CACNA2D1: variants seen among roughly 807,000 people sequenced by gnomAD.
CACNA2D1 encodes the protein calcium voltage-gated channel auxiliary subunit alpha2delta 1.
In CACNA2D1, 53 loss-of-function variants were observed where a neutral mutation model predicts 171.5. The observed-to-expected ratio is 0.31, with a 90% CI of 0.25 to 0.39. CACNA2D1 has a LOEUF of 0.39. Among genes scored for constraint, CACNA2D1 ranks in the 10% least tolerant of loss-of-function variants. CACNA2D1 has a pLI of 1.00. For synonymous variants in CACNA2D1, 442 were observed against 443.1 expected (o/e 1.00, Z 0.03); for missense variants, 903 against 1,299.8 (o/e 0.69, Z 4.69).
intron 1 of CACNA2D1, among the ~76,000 whole-genome samples, chr7:82,384,910 T>G (rs1292881874): frequency 2.0e-5 from 3 of 152,220 alleles, no homozygotes; most frequent in Non-Finnish European, 4.4e-5. Flanking sequence ...TGGGGCATGA[T>G]GTAAGAATCA....
At position 81,950,462 on chromosome 7, in the gene CACNA2D1, A is replaced by G. The variant is rs1424917702; in HGVS notation, c.3206T>C (p.Leu1069Pro). The G allele has an allele frequency of 6.2e-7, 1 of 1,613,288 alleles. No individual in the cohort carries two copies. Among genetic ancestry groups the G allele is most frequent in the Admixed American group, 1.7e-5 (1 of 59,840 alleles). ...CGGVSGLNPSLWYIIGIQFLL... is the reference protein window; with the variant it reads ...CGGVSGLNPSPWYIIGIQFLL... ...AAACTGGATTCCAATGATATACCAC[A>G]GGGAGGGATTTAATCCAGAAACACC... The change falls in exon 39 of 39, where the codon CTG (leucine) becomes CCG (proline). Residue 1069 changes from leucine (L) to proline (P), a missense_variant. Around this residue, in one of 5 missense-constraint regions of CACNA2D1, gnomAD observed 38 missense variants for 29.2 expected, o/e 1.30. Transcript: ENST00000356860.
At chr7:82,278,615 T>C (rs891300546) in intron 3 of CACNA2D1, among the ~76,000 whole-genome samples, 4 of 145,798 alleles carry the variant, frequency 2.7e-5, no homozygotes, top group East Asian at 2.0e-4. Flanking sequence ...AAACTTCCAA[T>C]CTTGAGTGGA....
At chr7:82,333,471 A>C (rs1817629715) in intron 3 of CACNA2D1, among the ~76,000 whole-genome samples, 3 of 132,730 alleles carry the variant, frequency 2.3e-5, no homozygotes, top group African/African-American at 9.3e-5. Flanking sequence ...GGAGGAGCAA[A>C]GTCACATTTT....
At chr7:82,080,057 G>GCA (rs1809537082) in intron 7 of CACNA2D1, among the ~76,000 whole-genome samples, 1 of 148,704 alleles carries the variant, frequency 6.7e-6, no homozygotes, top group Non-Finnish European at 1.5e-5. Flanking sequence ...ATATATGTGT[G>GCA]TATATATATA....
chr7:82,262,568 G>T (rs1172750423), intron 3 of CACNA2D1, among the ~76,000 whole-genome samples: 1 of 152,026 alleles, frequency 6.6e-6, no homozygotes, highest in Non-Finnish European at 1.5e-5. Context: ...AAAAATACAT[G>T]AGATTGACCC....
At chr7:82,097,029 G>T (rs1364417102) in intron 6 of CACNA2D1, among the ~76,000 whole-genome samples, 1 of 152,098 alleles carries the variant, frequency 6.6e-6, no homozygotes, top group Non-Finnish European at 1.5e-5. Context: ...CAGGGTAGAA[G>T]TAGTGGTCAC....
intron 28 of CACNA2D1, among the ~76,000 whole-genome samples, chr7:81,969,302 T>C (rs777465072): frequency 6.6e-6 from 1 of 151,392 alleles, no homozygotes; most frequent in Admixed American, 6.6e-5. Context: ...AGTGGAAAGA[T>C]TGATCCTGGA....
intron 3 of CACNA2D1, among the ~76,000 whole-genome samples, chr7:82,288,143 A>G (rs777048786): frequency 3.3e-5 from 5 of 151,902 alleles, no homozygotes; most frequent in African/African-American, 4.8e-5. Context: ...CCCGGCCCCA[A>G]GTTTTTTATA....
intron 1 of CACNA2D1, among the ~76,000 whole-genome samples, chr7:82,367,967 GA>G (rs963085099): frequency 1.1e-4 from 16 of 147,960 alleles, no homozygotes; most frequent in Admixed American, 3.4e-4. Flanking sequence ...TATGGAGTCA[GA>G]AAAAAAAAAT....
intron 24 of CACNA2D1, among the ~76,000 whole-genome samples, chr7:81,978,774 C>G (rs932556181): frequency 1.7e-4 from 19 of 113,810 alleles, no homozygotes; most frequent in South Asian, 1.6e-3. Context: ...TATATATACA[C>G]ACACACACAC....
intron 6 of CACNA2D1, among the ~76,000 whole-genome samples, chr7:82,108,213 T>C (rs1256136666): frequency 6.6e-6 from 1 of 152,192 alleles, no homozygotes; most frequent in African/African-American, 2.4e-5. Context: ...GTCACATACA[T>C]ATATGAAAAA....
At chr7:82,135,543 A>G (rs1791509416) in intron 5 of CACNA2D1, among the ~76,000 whole-genome samples, 1 of 152,136 alleles carries the variant, frequency 6.6e-6, no homozygotes, top group South Asian at 2.1e-4. Context: ...AACCTTCTTC[A>G]TTAACAGTAT....
intron 3 of CACNA2D1, among the ~76,000 whole-genome samples, chr7:82,187,178 G>T (rs1314879912): frequency 1.3e-5 from 2 of 152,060 alleles, no homozygotes; most frequent in South Asian, 2.1e-4. Context: ...ACAAACAAAC[G>T]CTATTTTCAA....
intron 3 of CACNA2D1, among the ~76,000 whole-genome samples, chr7:82,181,824 C>T (rs1481427519): frequency 6.6e-6 from 1 of 151,852 alleles, no homozygotes; most frequent in Non-Finnish European, 1.5e-5. Flanking sequence ...TGTCTCTGAG[C>T]CAATTAACTT....
intron 3 of CACNA2D1, among the ~76,000 whole-genome samples, chr7:82,178,457 G>A (rs1796782656): frequency 6.6e-6 from 1 of 152,060 alleles, no homozygotes; most frequent in Non-Finnish European, 1.5e-5. Flanking sequence ...ATAATTTGCA[G>A]CTCTACGTTT....
chr7:82,152,067 T>G (rs1793911824), intron 4 of CACNA2D1, among the ~76,000 whole-genome samples: 2 of 152,030 alleles, frequency 1.3e-5, no homozygotes, highest in African/African-American at 4.8e-5. Context: ...AGATTATATC[T>G]AAGCTTTATA....
chr7:82,033,194 C>T (rs1480541222), intron 11 of CACNA2D1: 1 of 237,352 alleles, frequency 4.2e-6, no homozygotes, highest in Non-Finnish European at 8.3e-6. Context: ...AGTCTCCCTC[C>T]AAGATAGTAT....
chr7:82,269,906 A>T (rs1057315709), intron 3 of CACNA2D1, among the ~76,000 whole-genome samples: 5 of 152,198 alleles, frequency 3.3e-5, no homozygotes, highest in African/African-American at 1.2e-4. Context: ...CTTTACTGAC[A>T]TATTCACAAA....
chr7:82,174,010 T>G (rs1796301781), intron 3 of CACNA2D1, among the ~76,000 whole-genome samples: 1 of 123,944 alleles, frequency 8.1e-6, no homozygotes, highest in Non-Finnish European at 1.6e-5. Flanking sequence ...ACCACTGCAC[T>G]GCAGCCTGAG....
Sources: allele counts gnomAD v4.1 joint callset (sites outside exome capture counted in the v4.1 genomes callset), GRCh38; gene constraint gnomAD v4.1.1; regional missense constraint gnomAD v4.1.1; transcripts MANE v1.5; gene names NCBI Gene and HGNC (gene_info 2026-07-23, HGNC 2026-07-21).